The following PDE1C variants were observed in gnomAD, a reference collection of about 807,000 sequenced individuals.
PDE1C encodes the protein phosphodiesterase 1C.
Under a neutral mutation model 93.1 loss-of-function variants are expected in PDE1C, and 62 were observed. That is an observed-to-expected ratio of 0.67 (90% CI 0.54 to 0.82). The LOEUF is 0.82. Ranked by LOEUF, PDE1C falls within the 40% of genes least tolerant of loss-of-function variation. The pLI is 0.00. For synonymous variants in PDE1C, 325 were observed against 310.1 expected, an observed-to-expected ratio of 1.05 and a Z score of -0.50; for missense variants, 742 against 884.6, an observed-to-expected ratio of 0.84 and a Z score of 2.04.
chr7:31,741,580 T>G, the PDE1C span, among the ~76,000 whole-genome samples: 2 of 152,214 alleles, frequency 1.3e-5, no homozygotes, highest in African/African-American at 4.8e-5. Flanking sequence ...TATTTTCAGT[T>G]ATTTTTACCC....
intron 2 of PDE1C, among the ~76,000 whole-genome samples, chr7:31,891,009 C>T (rs183249400): frequency 2.0e-5 from 3 of 152,224 alleles, no homozygotes; most frequent in East Asian, 1.9e-4. Context: ...TTCCTCCAGG[C>T]GCACAGTAGC....
intron 16 of PDE1C, among the ~76,000 whole-genome samples, chr7:31,778,545 T>C (rs1288334542): frequency 6.6e-6 from 1 of 152,066 alleles, no homozygotes; most frequent in East Asian, 1.9e-4. Context: ...ATGACGATCA[T>C]AAACATCCTC....
intron 2 of PDE1C, among the ~76,000 whole-genome samples, chr7:32,190,964 C>T (rs1024840374): frequency 6.6e-6 from 1 of 151,952 alleles, no homozygotes; most frequent in African/African-American, 2.4e-5. Context: ...GCAGAAGGGA[C>T]AGCATATGCA....
intron 2 of PDE1C, among the ~76,000 whole-genome samples, chr7:32,183,183 C>A (rs920676154): frequency 2.6e-5 from 4 of 152,160 alleles, no homozygotes; most frequent in Non-Finnish European, 5.9e-5. Flanking sequence ...ATTCCATGCT[C>A]ATGGATAGGA....
chr7:31,701,378 G>T, the PDE1C span, among the ~76,000 whole-genome samples: 1 of 152,126 alleles, frequency 6.6e-6, no homozygotes. Flanking sequence ...TGACTGAATT[G>T]CTGCAATCTA....
At chr7:32,344,434 G>A (rs1460037863) in intron 1 of PDE1C, among the ~76,000 whole-genome samples, 3 of 152,140 alleles carry the variant, frequency 2.0e-5, no homozygotes, top group Non-Finnish European at 4.4e-5. Flanking sequence ...ACATTATCTA[G>A]CCAGATTTCC....
At chr7:31,649,962 AGAGTAG>A in the PDE1C span, among the ~76,000 whole-genome samples, 2 of 152,186 alleles carry the variant, frequency 1.3e-5, no homozygotes, top group Non-Finnish European at 2.9e-5. Context: ...GGGAGGGTGA[AGAGTAG>A]GGGCTCAGTA....
At chr7:32,176,913 T>C (rs964515162) in intron 2 of PDE1C, among the ~76,000 whole-genome samples, 6 of 152,176 alleles carry the variant, frequency 3.9e-5, no homozygotes, top group Admixed American at 2.0e-4. Context: ...CCTGTTGTGT[T>C]AGATTTGAAC....
At chr7:32,226,549 G>GAGCCC (rs1257787174) in intron 1 of PDE1C, among the ~76,000 whole-genome samples, 1 of 152,190 alleles carries the variant, frequency 6.6e-6, no homozygotes, top group Non-Finnish European at 1.5e-5. Flanking sequence ...GGGTTTAGAT[G>GAGCCC]GGCTGGTCAG....
At chr7:32,206,514 G>A (rs1442421109) in intron 2 of PDE1C, among the ~76,000 whole-genome samples, 1 of 152,172 alleles carries the variant, frequency 6.6e-6, no homozygotes, top group East Asian at 1.9e-4. Flanking sequence ...ACAGCCAGCT[G>A]ACTTCATCCC....
At chr7:32,420,503 G>A (rs763550658) in intron 1 of PDE1C, among the ~76,000 whole-genome samples, 5 of 148,752 alleles carry the variant, frequency 3.4e-5, no homozygotes, top group African/African-American at 7.5e-5. Context: ...GCAGTCAACC[G>A]AGATGGTGCC....
At chr7:32,409,031 A>C (rs993593204) in intron 1 of PDE1C, among the ~76,000 whole-genome samples, 7 of 152,158 alleles carry the variant, frequency 4.6e-5, no homozygotes, top group Admixed American at 1.3e-4. Context: ...ACTTTCAATG[A>C]GCAGGTAATT....
At chr7:31,782,294 C>A (rs547353512) in intron 16 of PDE1C, among the ~76,000 whole-genome samples, 2 of 152,100 alleles carry the variant, frequency 1.3e-5, no homozygotes, top group Admixed American at 1.3e-4. Flanking sequence ...ACTATATGGC[C>A]TTAACTGTGT....
intron 1 of PDE1C, among the ~76,000 whole-genome samples, chr7:32,423,930 T>G (rs1226563307): frequency 6.6e-6 from 1 of 152,226 alleles, no homozygotes; most frequent in Non-Finnish European, 1.5e-5. Context: ...TGTCAGGATC[T>G]CTCTGCAACC....
At chr7:31,802,936 C>T (rs1786253275) in intron 16 of PDE1C, among the ~76,000 whole-genome samples, 1 of 151,660 alleles carries the variant, frequency 6.6e-6, no homozygotes, top group African/African-American at 2.4e-5. Flanking sequence ...CTTCTTGAAT[C>T]TGTGGATTTA....
chr7:32,003,881 A>G (rs1785803720), intron 2 of PDE1C, among the ~76,000 whole-genome samples: 2 of 150,476 alleles, frequency 1.3e-5, no homozygotes, highest in African/African-American at 4.9e-5. Flanking sequence ...TAGTGAGAGT[A>G]GACAAAAAAC....
the PDE1C span, among the ~76,000 whole-genome samples, chr7:31,648,942 T>A: frequency 6.6e-6 from 1 of 152,248 alleles, no homozygotes; most frequent in Non-Finnish European, 1.5e-5. Flanking sequence ...AGAACACGTA[T>A]CTATAACAGA....
At chr7:32,086,581 A>T (rs1797094375) in intron 3 of PDE1C, among the ~76,000 whole-genome samples, 1 of 152,130 alleles carries the variant, frequency 6.6e-6, no homozygotes, top group Non-Finnish European at 1.5e-5. Flanking sequence ...AGCTGGAGGC[A>T]TCACGCTACC....
chr7:32,418,169 T>A (rs1160110490), intron 1 of PDE1C, among the ~76,000 whole-genome samples: 1 of 152,198 alleles, frequency 6.6e-6, no homozygotes, highest in Non-Finnish European at 1.5e-5. Context: ...TCTGGAAACT[T>A]CCTCAGTACT....
Sources: gnomAD v4.1 joint callset for allele counts (sites outside exome capture counted in the v4.1 genomes callset) on GRCh38, gnomAD v4.1.1 for gene constraint, MANE v1.5 for transcripts, NCBI Gene and HGNC (gene_info 2026-07-23, HGNC 2026-07-21) for gene names.